Variants in SEC24D observed in about 807,000 individuals in gnomAD.
The protein encoded by SEC24D is protein transport protein Sec24D.
SEC24D carries 69 observed loss-of-function variants against 116.9 expected under a neutral mutation model. That is an observed-to-expected ratio of 0.59 (90% CI 0.49 to 0.72). The LOEUF is 0.72. SEC24D is among the 30% of genes least tolerant of loss of function. The pLI is 0.00. For synonymous variants in SEC24D, 405 were observed against 442.8 expected, an observed-to-expected ratio of 0.91 and a Z score of 1.07; for missense variants, 1,131 against 1,264.1, an observed-to-expected ratio of 0.89 and a Z score of 1.60.
At chr4:118,825,545 A>G (rs1293327817) in intron 2 of SEC24D, 1 of 455,986 alleles carries the variant, frequency 2.2e-6, no homozygotes, top group Admixed American at 2.4e-5. Context: ...AGAGTAGTTC[A>G]AGGCCCCACT....
intron 8 of SEC24D, among the ~76,000 whole-genome samples, chr4:118,775,220 A>T (rs1303489811): frequency 6.6e-6 from 1 of 152,082 alleles, no homozygotes; most frequent in Non-Finnish European, 1.5e-5. Context: ...TTACTGTAGT[A>T]TCTCCTGTAG....
intron 8 of SEC24D, among the ~76,000 whole-genome samples, chr4:118,780,143 A>C (rs1578426129): frequency 6.6e-6 from 1 of 152,206 alleles, no homozygotes; most frequent in Non-Finnish European, 1.5e-5. Context: ...GCCTTCTGCT[A>C]GCTTTTGAAT....
Position 118,751,328 on chromosome 4 carries a change from G to A in SEC24D, c.1707+668C>T, listed in dbSNP as rs1034939999. Among the ~76,000 whole-genome samples the A allele has an allele frequency of 9.9e-5, 15 of 151,916 alleles. 1 individual carries two copies. The highest frequency in any genetic ancestry group is 2.0e-4 in the Admixed American group (3 of 15,234). ...CAAGTAGCTGGGATTACAGGTATGT[G>A]CCACCACGCATGGCTAATTTTGTAT... On this transcript the variant is annotated intron_variant, in intron 13 of 22. Transcript: ENST00000280551.
chr4:118,750,698 A>T (rs949125032), intron 13 of SEC24D, among the ~76,000 whole-genome samples: 27 of 152,336 alleles, frequency 1.8e-4, no homozygotes, highest in Admixed American at 1.2e-3. Flanking sequence ...CTGAAATAGA[A>T]GACATTTGTT....
At chr4:118,825,521 A>C in intron 2 of SEC24D, 1 of 451,898 alleles carries the variant, frequency 2.2e-6, no homozygotes, top group Middle Eastern at 3.3e-4. Context: ...GAGAGAAATC[A>C]CTGGGCTTGG....
chr4:118,805,578 T>G lies in SEC24D; in HGVS notation c.913+265A>C, dbSNP rs2303512. 0.37 allele frequency among the ~76,000 whole-genome samples: 55,740 copies of G among 152,056 alleles called. 11,442 individuals carry two copies. The highest frequency in any genetic ancestry group is 0.53 in the Admixed American group (8,098 of 15,268). ...AACCAAAGTAGGGTATAAACTAATT[T>G]AAACCCATAAATTAAAATAAATAAT... On this transcript the variant is annotated intron_variant, in intron 7 of 22. Transcript: ENST00000280551.
At chr4:118,765,593 G>A (rs1032286182) in intron 9 of SEC24D, among the ~76,000 whole-genome samples, 4 of 152,142 alleles carry the variant, frequency 2.6e-5, no homozygotes, top group Admixed American at 6.6e-5. Context: ...CTGTAAAAAC[G>A]AACTCCTGTT....
At chr4:118,779,695 T>A (rs1437028801) in intron 8 of SEC24D, among the ~76,000 whole-genome samples, 48 of 152,244 alleles carry the variant, frequency 3.2e-4, no homozygotes, top group Admixed American at 3.1e-3. Flanking sequence ...CTTCTCTTTG[T>A]ACCTCTGGTA....
At chr4:118,816,801 A>G (rs983172138) in intron 4 of SEC24D, 9 of 455,662 alleles carry the variant, frequency 2.0e-5, no homozygotes, top group Non-Finnish European at 4.0e-5. Context: ...TTCCTCTCCT[A>G]TCTTCTCTTT....
At chr4:118,791,180 G>A (rs1728877658) in intron 8 of SEC24D, among the ~76,000 whole-genome samples, 1 of 152,054 alleles carries the variant, frequency 6.6e-6, no homozygotes, top group Non-Finnish European at 1.5e-5. Context: ...AAAATAAACA[G>A]GTTTGGGGTG....
At chr4:118,797,521 ATTAT>A (rs1433839738) in intron 8 of SEC24D, among the ~76,000 whole-genome samples, 158 bp downstream of exon 8, 2 of 152,190 alleles carry the variant, frequency 1.3e-5, no homozygotes, top group Non-Finnish European at 2.9e-5. Flanking sequence ...AGCTTGCTGG[ATTAT>A]TTGTTTTCCT....
intron 13 of SEC24D, among the ~76,000 whole-genome samples, chr4:118,746,433 T>G (rs980387301): frequency 1.3e-5 from 2 of 152,076 alleles, no homozygotes; most frequent in African/African-American, 4.8e-5. Flanking sequence ...TACTACTGTT[T>G]GCATTTTAAG....
chr4:118,782,254 C>G (rs1262253499), intron 8 of SEC24D, among the ~76,000 whole-genome samples: 1 of 152,160 alleles, frequency 6.6e-6, no homozygotes, highest in Non-Finnish European at 1.5e-5. Context: ...TGTTGGTGAC[C>G]TACAAATGGG....
chr4:118,827,633 A>G (rs1480004951), intron 2 of SEC24D, among the ~76,000 whole-genome samples: 1 of 152,216 alleles, frequency 6.6e-6, no homozygotes, highest in African/African-American at 2.4e-5. Context: ...TCAGCAAAGC[A>G]GCACACCTCT....
intron 3 of SEC24D, 34 bp downstream of exon 3, chr4:118,824,586 T>C: frequency 1.3e-6 from 2 of 1,585,764 alleles, no homozygotes; most frequent in Non-Finnish European, 1.7e-6. Context: ...TTTAGGAGAA[T>C]ATACAAACGA....
chr4:118,781,969 T>C (rs1303090468), intron 8 of SEC24D, among the ~76,000 whole-genome samples: 1 of 152,218 alleles, frequency 6.6e-6, no homozygotes, highest in Non-Finnish European at 1.5e-5. Flanking sequence ...CTGTTTATTC[T>C]AGTTAGCCAT....
intron 14 of SEC24D, among the ~76,000 whole-genome samples, chr4:118,744,411 A>G (rs1445843518): frequency 1.3e-5 from 2 of 152,182 alleles, no homozygotes; most frequent in African/African-American, 4.8e-5. Context: ...TACTCCATCA[A>G]TCCTAATGGA....
At chr4:118,743,343 CTA>C (rs529375146) in intron 15 of SEC24D, among the ~76,000 whole-genome samples, 13,489 of 121,340 alleles carry the variant, frequency 0.11, 739 homozygotes, top group Middle Eastern at 0.28. Flanking sequence ...TATATGGTTC[CTA>C]TATATATATA....
chr4:118,769,079 C>T (rs1396112026), intron 8 of SEC24D, among the ~76,000 whole-genome samples: 1 of 152,150 alleles, frequency 6.6e-6, no homozygotes, highest in African/African-American at 2.4e-5. Flanking sequence ...CCCCAAAGCA[C>T]ATAAACTATT....
Sources: gnomAD v4.1 joint callset for allele counts (sites outside exome capture counted in the v4.1 genomes callset) on GRCh38, gnomAD v4.1.1 for gene constraint, MANE v1.5 for transcripts, NCBI Gene and HGNC (gene_info 2026-07-23, HGNC 2026-07-21) for gene names.